The following GUCA1C variants were observed in gnomAD, a reference collection of about 807,000 sequenced individuals.
GUCA1C encodes the protein guanylate cyclase activator 1C.
GUCA1C carries 15 observed loss-of-function variants against 16.2 expected under a neutral mutation model. That is an observed-to-expected ratio of 0.93 (90% CI 0.62 to 1.43). The LOEUF is 1.43. Ranked by LOEUF, GUCA1C falls within the 40% of genes most tolerant of loss-of-function variation. GUCA1C has a pLI of 0.00. For synonymous variants in GUCA1C, 78 were observed against 85.4 expected, an observed-to-expected ratio of 0.91 and a Z score of 0.48; for missense variants, 275 against 244.8, an observed-to-expected ratio of 1.12 and a Z score of -0.82.
At chr3:108,948,847 A>ATTT (rs36115653) in intron 1 of GUCA1C, among the ~76,000 whole-genome samples, 5 of 143,662 alleles carry the variant, frequency 3.5e-5, no homozygotes, top group Non-Finnish European at 6.1e-5. Context: ...AGATCTGGGA[A>ATTT]TTTTTTTTTT....
chr3:108,953,540 G>GA lies in GUCA1C; in HGVS notation c.204+18dup. 1.4e-6 allele frequency: 2 copies of GA among 1,448,548 alleles called. No individual in the cohort carries two copies. The highest frequency in any genetic ancestry group is 1.9e-6 in the Non-Finnish European group (2 of 1,031,398). The allele number at this position is 1,448,548 out of a possible 1,614,324, so 89.7% of individuals were successfully genotyped here. On this transcript the variant is annotated intron_variant, in intron 1 of 3. Transcript: ENST00000261047. ...GAACCACAGCATTTTCAAATGAAAT[G>GA]AAAAATGAAAGATCTTACCTTGTTC...
intron 1 of GUCA1C, 69 bp from the exon 2 acceptor site, chr3:108,920,654 A>G: frequency 2.4e-6 from 2 of 824,030 alleles, no homozygotes; most frequent in Non-Finnish European, 3.9e-6. Context: ...TTGAGAACTC[A>G]GCATTCGTGA....
intron 1 of GUCA1C, among the ~76,000 whole-genome samples, chr3:108,927,747 G>A (rs1946635265): frequency 6.6e-6 from 1 of 152,084 alleles, no homozygotes; most frequent in Non-Finnish European, 1.5e-5. Flanking sequence ...ATTTTGTCTT[G>A]TTTTGAATCC....
chr3:108,931,857 TC>T (rs1946669481), intron 1 of GUCA1C, among the ~76,000 whole-genome samples: 1 of 114,588 alleles, frequency 8.7e-6, no homozygotes, highest in East Asian at 2.9e-4. Flanking sequence ...CAGTTTTTTT[TC>T]TTCCTTCTTT....
chr3:108,924,958 G>T (rs1258503186), intron 1 of GUCA1C, among the ~76,000 whole-genome samples: 1 of 151,974 alleles, frequency 6.6e-6, no homozygotes, highest in Non-Finnish European at 1.5e-5. Context: ...TTGTATTTCT[G>T]TGGTATCGGT....
chr3:108,917,013 C>A (rs1946524883), intron 2 of GUCA1C, among the ~76,000 whole-genome samples: 2 of 152,190 alleles, frequency 1.3e-5, no homozygotes, highest in African/African-American at 4.8e-5. Flanking sequence ...TCTTCTCAAG[C>A]ATTACCAAAC....
intron 1 of GUCA1C, among the ~76,000 whole-genome samples, chr3:108,949,042 T>G (rs1946871772): frequency 6.6e-6 from 1 of 152,084 alleles, no homozygotes; most frequent in Non-Finnish European, 1.5e-5. Context: ...GAGATGGGAT[T>G]TCATCATGCT....
intron 1 of GUCA1C, among the ~76,000 whole-genome samples, chr3:108,952,973 T>G (rs904070135): frequency 6.6e-6 from 1 of 152,116 alleles, no homozygotes; most frequent in African/African-American, 2.4e-5. Flanking sequence ...AAGATAAAAG[T>G]TGAGTAACAA....
chr3:108,914,290 C>T (rs62266502), intron 3 of GUCA1C, among the ~76,000 whole-genome samples: 14,658 of 152,168 alleles, frequency 0.096, 729 homozygotes, highest in Middle Eastern at 0.15. Flanking sequence ...GCCCTTTCTA[C>T]TTCAAGTTCC....
intron 1 of GUCA1C, among the ~76,000 whole-genome samples, chr3:108,930,738 T>C (rs1387515310): frequency 2.0e-5 from 3 of 152,218 alleles, no homozygotes; most frequent in Non-Finnish European, 2.9e-5. Flanking sequence ...ATGGGTCTCC[T>C]AAAAGAAATT....
At chr3:108,942,329 G>C (rs1329562873) in intron 1 of GUCA1C, among the ~76,000 whole-genome samples, 1 of 152,152 alleles carries the variant, frequency 6.6e-6, no homozygotes, top group Non-Finnish European at 1.5e-5. Flanking sequence ...TCTCCAGAAA[G>C]CCTTTCCTAA....
intron 3 of GUCA1C, among the ~76,000 whole-genome samples, chr3:108,911,876 C>A (rs142648189): frequency 6.6e-6 from 1 of 151,966 alleles, no homozygotes. Context: ...GAGGCCGAGG[C>A]GGGCGGATCG....
chr3:108,943,624 G>A (rs1396029855), intron 1 of GUCA1C, among the ~76,000 whole-genome samples: 2 of 152,168 alleles, frequency 1.3e-5, no homozygotes, highest in African/African-American at 2.4e-5. Context: ...CCTGGAGAGT[G>A]GCGGGAGAGC....
intron 2 of GUCA1C, among the ~76,000 whole-genome samples, chr3:108,918,561 T>TG (rs142891197): frequency 2.4e-3 from 360 of 152,272 alleles, no homozygotes; most frequent in African/African-American, 8.3e-3. Flanking sequence ...GTTATTGACC[T>TG]GGGGGGTCCT....
chr3:108,938,222 T>C (rs1946748729), intron 1 of GUCA1C, among the ~76,000 whole-genome samples: 1 of 151,108 alleles, frequency 6.6e-6, no homozygotes, highest in African/African-American at 2.4e-5. Context: ...CCACACAGCA[T>C]TAACTTTCAG....
intron 3 of GUCA1C, among the ~76,000 whole-genome samples, chr3:108,912,122 A>AATAATAATAATCATC (rs762101057): frequency 6.8e-6 from 1 of 147,720 alleles, no homozygotes. Context: ...TAATAATAAT[A>AATAATAATAATCATC]ATCACCCTTT....
chr3:108,940,113 G>T (rs1207213977), intron 1 of GUCA1C, among the ~76,000 whole-genome samples: 1 of 152,154 alleles, frequency 6.6e-6, no homozygotes, highest in Admixed American at 6.5e-5. Context: ...ATTATGAAGT[G>T]CCAAACAAAT....
At position 108,908,124 on chromosome 3, in the gene GUCA1C, G is replaced by A; in HGVS notation, c.528C>T (p.Ser176=). Residue 176 remains serine (S), a synonymous_variant, in exon 4 of 4, where the codon TCC becomes TCT. Coordinates refer to ENST00000261047, the MANE Select transcript of GUCA1C (RefSeq NM_005459.4). ...CATTACAGATTACTCTCAGCACATT[G>A]GAGAAGTCGAAGCTCTTGTAAACAA... The part of the protein sequence containing the change: ...LEIVYKSFDF[S]NVLRVICNGK... 6.2e-7 allele frequency: 1 copy of A among 1,613,328 alleles called. No homozygotes were observed. The highest frequency in any genetic ancestry group is 8.5e-7 in the Non-Finnish European group (1 of 1,179,314).
chr3:108,931,061 G>A (rs1424143889), intron 1 of GUCA1C, among the ~76,000 whole-genome samples: 1 of 152,146 alleles, frequency 6.6e-6, no homozygotes, highest in Admixed American at 6.5e-5. Flanking sequence ...AATCAATTCA[G>A]CAGTCTCCTG....
Sources: gnomAD v4.1 joint callset for allele counts (sites outside exome capture counted in the v4.1 genomes callset) on GRCh38, gnomAD v4.1.1 for gene constraint, MANE v1.5 for transcripts, NCBI Gene and HGNC (gene_info 2026-07-23, HGNC 2026-07-21) for gene names.